Variants in FBXL2 observed in about 807,000 individuals in gnomAD.
FBXL2 encodes the protein F-box/LRR-repeat protein 2.
FBXL2 carries 38 observed loss-of-function variants against 69.2 expected under a neutral mutation model. That is an observed-to-expected ratio of 0.55 (90% CI 0.42 to 0.72). FBXL2 has a LOEUF of 0.72. Among genes scored for constraint, FBXL2 ranks in the 30% least tolerant of loss-of-function variants. The pLI is 0.00. For missense variants in FBXL2, 354 were observed against 520.3 expected (o/e 0.68, Z 3.11); for synonymous variants, 192 against 201.3 (o/e 0.95, Z 0.39).
At chr3:33,338,089 T>C (rs1465899249) in intron 2 of FBXL2, among the ~76,000 whole-genome samples, 2 of 152,180 alleles carry the variant, frequency 1.3e-5, no homozygotes, top group African/African-American at 4.8e-5. Flanking sequence ...AATGCCTTTT[T>C]TTTCACAGAA....
chr3:33,378,517 G>A (rs1274720395), intron 12 of FBXL2, among the ~76,000 whole-genome samples, 168 bp from the exon 13 acceptor site: 1 of 152,196 alleles, frequency 6.6e-6, no homozygotes, highest in Admixed American at 6.5e-5. Flanking sequence ...ATCTCTAGAA[G>A]TGGGCAGATT....
At chr3:33,353,360 C>G (rs1005698162) in intron 2 of FBXL2, among the ~76,000 whole-genome samples, 11 of 152,118 alleles carry the variant, frequency 7.2e-5, no homozygotes, top group African/African-American at 2.7e-4. Flanking sequence ...TCATAATCAC[C>G]CCAAACTAGA....
chr3:33,390,836 G>A (rs909924968), downstream of FBXL2: 1 of 153,742 alleles, frequency 6.5e-6, no homozygotes, highest in African/African-American at 2.4e-5. Flanking sequence ...CTTTTGCCTA[G>A]TGTTTCTCAG....
chr3:33,351,160 G>A (rs2040802956), intron 2 of FBXL2, among the ~76,000 whole-genome samples: 2 of 152,224 alleles, frequency 1.3e-5, no homozygotes, highest in Admixed American at 1.3e-4. Flanking sequence ...CAGCTACTCA[G>A]GAGGCTGAGG....
At chr3:33,416,957 G>A in the FBXL2 span, 28 of 791,804 alleles carry the variant, frequency 3.5e-5, no homozygotes, top group Non-Finnish European at 4.9e-5. Flanking sequence ...AATTTGCTAC[G>A]GAAGCAAATT....
intron 12 of FBXL2, chr3:33,396,107 C>T (rs754348862): frequency 2.4e-5 from 35 of 1,444,930 alleles, no homozygotes; most frequent in Middle Eastern, 2.0e-4. Context: ...GAGTCCTTTC[C>T]GTTTCTGTCT....
At position 33,356,430 on chromosome 3, in the gene FBXL2, A is replaced by G. The variant is rs535928398; in HGVS notation, c.66-2537A>G. 3.3e-5 allele frequency among the ~76,000 whole-genome samples: 5 copies of G among 152,086 alleles called. No homozygotes were observed. The East Asian group carries it at 9.7e-4, about 29-fold the overall frequency. ...CAGTGGCGGATCTCGGCTCACTGCA[A>G]CCTCTGCCTCCTGGGTTCAAGCGAT... is the stretch of plus-strand genomic sequence containing the variant. On this transcript the variant is annotated intron_variant, in intron 2 of 14. Transcript: ENST00000484457.
chr3:33,355,539 G>A (rs1218533448), intron 2 of FBXL2, among the ~76,000 whole-genome samples: 1 of 152,162 alleles, frequency 6.6e-6, no homozygotes, highest in African/African-American at 2.4e-5. Flanking sequence ...AGATAATCTT[G>A]ATGAAGAAGA....
chr3:33,384,570 C>T (rs2043286074), intron 14 of FBXL2, among the ~76,000 whole-genome samples: 1 of 152,024 alleles, frequency 6.6e-6, no homozygotes, highest in African/African-American at 2.4e-5. Flanking sequence ...CAAAATAAAT[C>T]GATCAATCAA....
chr3:33,330,994 A>G (rs1188605978), intron 2 of FBXL2, among the ~76,000 whole-genome samples: 4 of 150,844 alleles, frequency 2.7e-5, no homozygotes. Flanking sequence ...TATATAATAT[A>G]TATATCTTAC....
At chr3:33,289,551 A>G (rs1307056527) in intron 1 of FBXL2, 1 of 153,750 alleles carries the variant, frequency 6.5e-6, no homozygotes, top group Non-Finnish European at 1.4e-5. Context: ...AAAAAGAGAT[A>G]CATAGGTACT....
intron 7 of FBXL2, 111 bp from the exon 8 acceptor site, chr3:33,373,467 C>A: frequency 6.5e-7 from 1 of 1,547,730 alleles, no homozygotes; most frequent in Non-Finnish European, 8.9e-7. Context: ...TCCAAGAGGT[C>A]CCAGGCATGG....
chr3:33,337,476 A>G (rs2039682667), intron 2 of FBXL2, among the ~76,000 whole-genome samples: 1 of 152,222 alleles, frequency 6.6e-6, no homozygotes, highest in Non-Finnish European at 1.5e-5. Context: ...GGTGTTAAGA[A>G]GACCAACAAT....
intron 2 of FBXL2, among the ~76,000 whole-genome samples, chr3:33,304,724 T>C (rs2036571832): frequency 6.6e-6 from 1 of 152,008 alleles, no homozygotes; most frequent in African/African-American, 2.4e-5. Flanking sequence ...TATTAAATCA[T>C]TTTTCCAAAG....
intron 5 of FBXL2, among the ~76,000 whole-genome samples, chr3:33,371,335 T>TC (rs952938210): frequency 6.6e-6 from 1 of 150,794 alleles, no homozygotes; most frequent in African/African-American, 2.4e-5. Flanking sequence ...AGCTAATTTT[T>TC]TTTTTTTTTT....
In FBXL2 at chr3:33,385,939, A is replaced by G. The variant is rs1157692777; in HGVS notation, c.*331A>G. 43 of 302,478 alleles carry G rather than the reference A, an allele frequency of 1.4e-4. No homozygotes were observed. Among genetic ancestry groups the G allele is most frequent in the Non-Finnish European group, 2.3e-4 (37 of 160,740 alleles). The allele number at this position is 302,478 out of a possible 1,614,324, so 18.7% of individuals were successfully genotyped here. A position where few individuals can be genotyped will look rare whatever the true frequency, so the allele number is the denominator to read the frequency against. On this transcript the variant is annotated 3_prime_UTR_variant, in exon 15 of 15. Transcript: ENST00000484457. The stretch of plus-strand genomic sequence containing the variant: ...CCCTTGGCATACTCAGCATTCCTCA[A>G]AAAGACCATCAGTGTTAGCACAAAC...
chr3:33,329,718 A>G (rs1451083104), intron 2 of FBXL2, among the ~76,000 whole-genome samples: 1 of 152,178 alleles, frequency 6.6e-6, no homozygotes, highest in Non-Finnish European at 1.5e-5. Context: ...GTTGATGGGC[A>G]TGGTGGCTCA....
intron 13 of FBXL2, among the ~76,000 whole-genome samples, chr3:33,380,205 CAG>C (rs1347958735): frequency 1.5e-5 from 2 of 133,572 alleles, no homozygotes; most frequent in East Asian, 2.2e-4. Flanking sequence ...AGTCTGGCGA[CAG>C]AGTGAGACTC....
At chr3:33,316,843 AT>A (rs1488952294) in intron 2 of FBXL2, among the ~76,000 whole-genome samples, 3 of 152,120 alleles carry the variant, frequency 2.0e-5, no homozygotes, top group African/African-American at 7.2e-5. Context: ...TTGGGCAAAC[AT>A]TTTCAAACAT....
Sources: gnomAD v4.1 joint callset for allele counts (sites outside exome capture counted in the v4.1 genomes callset) on GRCh38, gnomAD v4.1.1 for gene constraint, MANE v1.5 for transcripts, NCBI Gene and HGNC (gene_info 2026-07-23, HGNC 2026-07-21) for gene names.